The following TANC2 variants were observed in gnomAD, a reference collection of about 807,000 sequenced individuals.
TANC2 encodes tetratricopeptide repeat, ankyrin repeat and coiled-coil containing 2, also known as protein TANC2.
Under a neutral mutation model 210.5 loss-of-function variants are expected in TANC2, and 26 were observed. The ratio of observed to expected loss-of-function variants is 0.12; its 90% CI spans 0.09 to 0.17. The LOEUF is 0.17. TANC2 is among the 10% of genes least tolerant of loss of function. TANC2 has a pLI of 1.00. For missense variants in TANC2, 2,129 were observed against 2,608.9 expected, an observed-to-expected ratio of 0.82 and a Z score of 4.01; for synonymous variants, 931 against 967.1, an observed-to-expected ratio of 0.96 and a Z score of 0.69.
chr17:63,099,188 A>C (rs749451538), exon 4 of TANC2: 2 of 1,610,106 alleles, frequency 1.2e-6, no homozygotes, highest in Middle Eastern at 1.7e-4. Flanking sequence ...GCATCTCCAC[A>C]GAAAGCGACT....
chr17:63,308,592 C>G (rs1010388946), intron 9 of TANC2, among the ~76,000 whole-genome samples: 1 of 152,130 alleles, frequency 6.6e-6, no homozygotes, highest in South Asian at 2.1e-4. Flanking sequence ...TAAAATCATT[C>G]TGTAATAGCT....
intron 8 of TANC2, among the ~76,000 whole-genome samples, chr17:63,246,277 CTG>C (rs1391971229): frequency 6.7e-6 from 1 of 148,650 alleles, no homozygotes; most frequent in African/African-American, 2.5e-5. Flanking sequence ...AAGCAGCAGT[CTG>C]TGTGTGGATT....
intron 15 of TANC2, among the ~76,000 whole-genome samples, chr17:63,380,600 TGA>T (rs2047574534): frequency 1.3e-5 from 2 of 152,258 alleles, no homozygotes; most frequent in South Asian, 4.1e-4. Flanking sequence ...TCCCACAGTC[TGA>T]GAGTTCCAAT....
chr17:63,313,716 G>A (rs1389547072), intron 9 of TANC2, among the ~76,000 whole-genome samples: 1 of 151,972 alleles, frequency 6.6e-6, no homozygotes, highest in African/African-American at 2.4e-5. Flanking sequence ...GCTTTTAATG[G>A]CCTTGCTTCC....
At chr17:63,367,162 C>A (rs2047134476) in intron 14 of TANC2, among the ~76,000 whole-genome samples, 1 of 152,192 alleles carries the variant, frequency 6.6e-6, no homozygotes, top group Admixed American at 6.5e-5. Flanking sequence ...TACCCACTTG[C>A]TTGGTTTTAT....
intron 11 of TANC2, among the ~76,000 whole-genome samples, chr17:63,331,139 T>G (rs1040170188): frequency 6.6e-6 from 1 of 152,232 alleles, no homozygotes; most frequent in Non-Finnish European, 1.5e-5. Flanking sequence ...TTTCCAAATA[T>G]TCTTAGAAAA....
rs756712907 is a variant in TANC2, at chr17:63,420,328, A to G, written c.4598A>G (p.His1533Arg). 6 of 1,613,716 alleles carry G rather than the reference A, an allele frequency of 3.7e-6. No individual in the cohort carries two copies. The highest frequency in any genetic ancestry group is 1.6e-4 in the Middle Eastern group (1 of 6,084). Reference sequence around the variant, plus strand: ...CAGAGCCCACCCTCCTCTCCCCCGCATCGGGACTCAGCCTACATCTCCAGC... The same window carrying G: ...CAGAGCCCACCCTCCTCTCCCCCGCGTCGGGACTCAGCCTACATCTCCAGC... Residue 1533 changes from histidine to arginine, a missense_variant, in exon 28 of 28, where the codon CAT becomes CGT. Around this residue, in one of 5 missense-constraint regions of TANC2, gnomAD observed 584 missense variants for 627.3 expected, o/e 0.93. Coordinates refer to ENST00000689528, the Ensembl canonical transcript of TANC2. The surrounding 1 kb of genome is among the most constrained non-coding windows in gnomAD (Gnocchi z 4.2).
In TANC2 at chr17:63,099,159, C is replaced by T. The variant is rs2037524784; in HGVS notation, c.140-16C>T. ...TCTTTTCTCACCAGCTCTTTTGTTC[C>T]ATCCCCTTCTAACAGGTGGCATCTC... On this transcript the variant is annotated splice_polypyrimidine_tract_variant and intron_variant, in intron 3 of 27. Transcript: ENST00000689528. The T allele has an allele frequency of 1.2e-6, 2 of 1,608,676 alleles. No individual in the cohort carries two copies. The highest frequency in any genetic ancestry group is 1.7e-6 in the Non-Finnish European group (2 of 1,177,214).
At chr17:63,172,472 G>A (rs550070410) in intron 5 of TANC2, among the ~76,000 whole-genome samples, 10 of 151,896 alleles carry the variant, frequency 6.6e-5, no homozygotes, top group Admixed American at 5.9e-4. Flanking sequence ...GTGAGCCACC[G>A]CCCCCGGCCA....
chr17:63,140,344 G>A (rs2039243655), intron 4 of TANC2, among the ~76,000 whole-genome samples: 1 of 152,146 alleles, frequency 6.6e-6, no homozygotes, highest in Non-Finnish European at 1.5e-5. Flanking sequence ...CTTTAAAATG[G>A]CAGCAGATTC....
chr17:63,061,619 A>G (rs2036001057), intron 2 of TANC2, among the ~76,000 whole-genome samples: 1 of 152,120 alleles, frequency 6.6e-6, no homozygotes, highest in South Asian at 2.1e-4. Flanking sequence ...ATATATAACT[A>G]GATGTATATA....
exon 11 of TANC2, chr17:63,318,979 G>A (rs751820085): frequency 1.9e-6 from 3 of 1,613,158 alleles, no homozygotes; most frequent in East Asian, 2.2e-5. Flanking sequence ...ACAGAGAGCT[G>A]CCACTCACAC....
rs1217734812 is a variant in TANC2, at chr17:62,966,344, G to GCGAGCGCTC, written c.-421_-413dup. Among the ~76,000 whole-genome samples, 19 of 146,960 alleles carry GCGAGCGCTC rather than the reference G, an allele frequency of 1.3e-4. No individual in the cohort carries two copies. Among genetic ancestry groups the GCGAGCGCTC allele is most frequent in the African/African-American group, 4.6e-4 (19 of 41,014 alleles). On this transcript the variant is annotated 5_prime_UTR_variant, in exon 1 of 28. Transcript: ENST00000689528. The surrounding 1 kb of genome is among the most constrained non-coding windows in gnomAD (Gnocchi z 5.1). ...AGCCGCCCGCCCGGCGGGGGAAGCT[G>GCGAGCGCTC]CGAGCGCTCCGAGCGCCCGGCCTAG...
At chr17:63,365,937 C>A (rs560036368) in intron 14 of TANC2, among the ~76,000 whole-genome samples, 1 of 152,166 alleles carries the variant, frequency 6.6e-6, no homozygotes, top group African/African-American at 2.4e-5. Context: ...GGTGAATACT[C>A]GTTTTTGTCC....
chr17:62,978,152 T>C (rs970606203), intron 1 of TANC2, among the ~76,000 whole-genome samples: 2 of 152,182 alleles, frequency 1.3e-5, no homozygotes, highest in Admixed American at 6.5e-5. Flanking sequence ...TTCACTCTTA[T>C]GACTAGAGAA....
At position 63,230,899 on chromosome 17, in the gene TANC2, A is replaced by G. The variant is rs374093637; in HGVS notation, c.770-6915A>G. On this transcript the variant is annotated intron_variant, in intron 7 of 27. Coordinates refer to ENST00000689528, the Ensembl canonical transcript of TANC2. ...TCCCACTATTATTGTGTAGGAGTCT[A>G]AGTCTCTTTGTAGGTCTCTAAGAAC... Among the ~76,000 whole-genome samples, 27 of 152,284 alleles carry G rather than the reference A, an allele frequency of 1.8e-4. No individual in the cohort carries two copies. In the East Asian group the frequency reaches 4.6e-3, roughly 26 times the overall value.
At chr17:63,272,309 G>A (rs2043735616) in intron 9 of TANC2, among the ~76,000 whole-genome samples, 1 of 152,002 alleles carries the variant, frequency 6.6e-6, no homozygotes, top group South Asian at 2.1e-4. Context: ...TGTTCGGTTG[G>A]TCTATGCGTC....
intron 5 of TANC2, among the ~76,000 whole-genome samples, chr17:63,175,533 C>CCAAA (rs1364759254): frequency 2.9e-5 from 3 of 103,388 alleles, no homozygotes; most frequent in African/African-American, 3.4e-5. Flanking sequence ...TCTCCCCCGC[C>CCAAA]AAAAAAAAAA....
chr17:63,426,831 G>C (rs994381524), exon 28 of TANC2: 1 of 152,242 alleles, frequency 6.6e-6, no homozygotes, highest in East Asian at 1.9e-4. Context: ...CTTGCTGGCT[G>C]AATTTTTCTT....
Sources: gnomAD v4.1 joint callset for allele counts (sites outside exome capture counted in the v4.1 genomes callset) on GRCh38, gnomAD v4.1.1 for gene constraint, gnomAD v4.1.1 regional missense constraint, Gnocchi (gnomAD v3.1) non-coding constraint, MANE v1.5 for transcripts, NCBI Gene and HGNC (gene_info 2026-07-23, HGNC 2026-07-21) for gene names.